The following TNFAIP3 variants were observed in gnomAD, a reference collection of about 807,000 sequenced individuals.
TNFAIP3 encodes tumor necrosis factor alpha-induced protein 3.
TNFAIP3 carries 9 observed loss-of-function variants against 72.4 expected under a neutral mutation model. That is an observed-to-expected ratio of 0.12 (90% CI 0.07 to 0.22). The LOEUF (loss-of-function observed/expected upper bound fraction) is 0.22. TNFAIP3 is among the 10% of genes least tolerant of loss of function. The pLI, the probability that TNFAIP3 is intolerant of heterozygous loss-of-function variation, is 1.00. For missense variants in TNFAIP3, 833 were observed against 1,018.7 expected, an observed-to-expected ratio of 0.82 and a Z score of 2.48; for synonymous variants, 339 against 372.6, an observed-to-expected ratio of 0.91 and a Z score of 1.04.
intron 5 of TNFAIP3, 132 bp downstream of exon 5, chr6:137,876,298 T>G: frequency 1.2e-6 from 1 of 803,884 alleles, no homozygotes; most frequent in South Asian, 1.8e-5. Context: ...GTGACTTGCT[T>G]GGTTAGTAAG....
At chr6:137,872,258 T>C (rs1776088154) in intron 2 of TNFAIP3, among the ~76,000 whole-genome samples, 1 of 152,182 alleles carries the variant, frequency 6.6e-6, no homozygotes, top group Non-Finnish European at 1.5e-5. Flanking sequence ...TTCCCTTGGG[T>C]AAGAATATGT....
At position 137,881,226 on chromosome 6, in the gene TNFAIP3, G is replaced by A. The variant is rs772156613; in HGVS notation, c.2280G>A (p.Gln760=). The A allele has an allele frequency of 2.5e-6, 4 of 1,608,514 alleles. No individual in the cohort carries two copies. In the East Asian group the frequency reaches 8.9e-5, roughly 36 times the overall value. ...CTGCCCCCGAAGACCCCCCCAAGCA[G>A]CGTTGCCGGGCCCCCGCCTGTGATC... is the stretch of plus-strand genomic sequence containing the variant. The part of the protein sequence containing the change: ...GEPAPEDPPK[Q]RCRAPACDHF... Residue 760 remains glutamine, a synonymous_variant, in exon 9 of 9, where the codon CAG becomes CAA. Transcript: ENST00000612899. This position sits in a 1 kb window ranked among gnomAD's most constrained non-coding sequence, Gnocchi z 5.0.
chr6:137,874,379 T>G (rs1776161402), intron 2 of TNFAIP3, among the ~76,000 whole-genome samples: 1 of 152,240 alleles, frequency 6.6e-6, no homozygotes, highest in South Asian at 2.1e-4. Flanking sequence ...AAGCCATGCC[T>G]GCTTCCTGGT....
At chr6:137,874,264 A>G (rs186445856) in intron 2 of TNFAIP3, among the ~76,000 whole-genome samples, 1 of 152,340 alleles carries the variant, frequency 6.6e-6, no homozygotes, top group African/African-American at 2.4e-5. Flanking sequence ...CGTGTTGTCA[A>G]TACGACTTTC....
chr6:137,875,441 A>AT (rs57860664), intron 3 of TNFAIP3, among the ~76,000 whole-genome samples: 5 of 151,472 alleles, frequency 3.3e-5, no homozygotes, highest in Admixed American at 6.6e-5. Flanking sequence ...CTCATCAGGG[A>AT]TTTTTTTTTA....
In TNFAIP3 at chr6:137,871,428, C is replaced by T. The variant is rs1776058955; in HGVS notation, c.201C>T (p.Ala67=). The change falls in exon 2 of 9, where the codon GCC becomes GCT. Residue 67 remains alanine, a synonymous_variant. Transcript: ENST00000612899. The surrounding 1 kb of genome is among the most constrained non-coding windows in gnomAD (Gnocchi z 4.2). ...AGTTTCGGGAGATCATCCACAAAGC[C>T]CTCATCGACAGAAACATCCAGGCCA... ...CPQFREIIHK[A]LIDRNIQATL... The T allele has an allele frequency of 6.2e-7, 1 of 1,614,106 alleles. No individual in the cohort carries two copies. The highest frequency in any genetic ancestry group is 2.2e-5 in the East Asian group (1 of 44,886).
intron 8 of TNFAIP3, 81 bp downstream of exon 8, chr6:137,880,333 G>A: frequency 6.8e-7 from 1 of 1,472,486 alleles, no homozygotes. Flanking sequence ...ACAGTGACAA[G>A]CAGGCTTTCC....
rs767542968 is a variant in TNFAIP3, at chr6:137,871,278, A to G, written c.51A>G (p.Lys17=). The G allele has an allele frequency of 6.2e-7, 1 of 1,614,098 alleles. No homozygotes were observed. Among genetic ancestry groups the G allele is most frequent in the East Asian group, 2.2e-5 (1 of 44,888 alleles). Residue 17 remains lysine (K), a synonymous_variant, in exon 2 of 9, where the codon AAA becomes AAG. Coordinates refer to ENST00000612899, the MANE Select transcript of TNFAIP3 (RefSeq NM_001270508.2). This position sits in a 1 kb window ranked among gnomAD's most constrained non-coding sequence, Gnocchi z 4.2. ...PQALYLSNMR[K]AVKIRERTPE... ...CTTTGTATTTGAGCAATATGCGGAA[A>G]GCTGTGAAGATACGGGAGAGAACTC...
At chr6:137,878,308 G>C (rs1385010376) in intron 6 of TNFAIP3, 124 bp from the exon 7 acceptor site, 6 of 835,994 alleles carry the variant, frequency 7.2e-6, no homozygotes, top group Non-Finnish European at 1.1e-5. Context: ...CTGCATTTCA[G>C]TGAATGGTTC....
chr6:137,875,967 C>T, intron 4 of TNFAIP3, 29 bp from the exon 5 acceptor site: 2 of 1,606,020 alleles, frequency 1.2e-6, no homozygotes, highest in Non-Finnish European at 1.7e-6. Context: ...ACCTAAGGGC[C>T]TCATTTTCCT....
chr6:137,873,828 T>C (rs1031177182), intron 2 of TNFAIP3, among the ~76,000 whole-genome samples: 4 of 152,232 alleles, frequency 2.6e-5, no homozygotes, highest in African/African-American at 9.6e-5. Context: ...GTTTTTTGGT[T>C]TCTTTACAGT....
chr6:137,881,039 C>G lies in TNFAIP3; in HGVS notation c.2093C>G (p.Ser698Trp). Residue 698 changes from serine to tryptophan, a missense_variant, in exon 9 of 9, where the codon TCG becomes TGG. This residue lies in a region of TNFAIP3 where 587 missense variants were observed against 657.8 expected (regional missense o/e 0.89). Coordinates refer to ENST00000612899, the MANE Select transcript of TNFAIP3 (RefSeq NM_001270508.2). This position sits in a 1 kb window ranked among gnomAD's most constrained non-coding sequence, Gnocchi z 5.0. ...EAKRTEEQLR[S>W]SQRRDVPRTT... ...CTGCCTGTTCTTTCCACTCAGAGAT[C>G]GAGCCAGCGCAGAGATGTGCCTCGA... is the stretch of plus-strand genomic sequence containing the variant. 1.3e-6 allele frequency: 2 copies of G among 1,589,254 alleles called. No individual in the cohort carries two copies. Among genetic ancestry groups the G allele is most frequent in the East Asian group, 2.3e-5 (1 of 44,404 alleles).
chr6:137,877,488 T>C (rs1776291981), intron 6 of TNFAIP3, among the ~76,000 whole-genome samples: 11 of 152,230 alleles, frequency 7.2e-5, no homozygotes, highest in Admixed American at 7.2e-4. Context: ...TTCCTGGATA[T>C]CTGGATCCCA....
chr6:137,874,945 A>G lies in TNFAIP3; in HGVS notation c.396A>G (p.Glu132=). The part of the protein sequence containing the change: ...LRKALFSTLK[E]TDTRNFKFRW... ...AGGCGCTGTTCAGCACGCTCAAGGA[A>G]ACAGACACACGCAACTTTAAATTCC... Residue 132 remains glutamate (E), a synonymous_variant, in exon 3 of 9, where the codon GAA becomes GAG. Coordinates refer to ENST00000612899, the MANE Select transcript of TNFAIP3 (RefSeq NM_001270508.2). 6.2e-7 allele frequency: 1 copy of G among 1,614,256 alleles called. No individual in the cohort carries two copies. Among genetic ancestry groups the G allele is most frequent in the Non-Finnish European group, 8.5e-7 (1 of 1,180,046 alleles).
In TNFAIP3 at chr6:137,875,793, G is replaced by A; in HGVS notation, c.592G>A (p.Val198Ile). ...YNSLEEIHIF[V>I]LCNILRRPII... Reference sequence around the variant, plus strand: ...CTCACTGGAAGAAATACACATATTTGTCCTTTGCAACATCCTCAGAAGGCC... The same window carrying A: ...CTCACTGGAAGAAATACACATATTTATCCTTTGCAACATCCTCAGAAGGCC... Residue 198 changes from valine (V) to isoleucine (I), a missense_variant, in exon 4 of 9, where the codon GTC becomes ATC. Transcript: ENST00000612899. The A allele has an allele frequency of 6.2e-7, 1 of 1,614,158 alleles. No homozygotes were observed.
At position 137,871,575 on chromosome 6, in the gene TNFAIP3, T is replaced by G; in HGVS notation, c.295+53T>G. The G allele has an allele frequency of 1.9e-6, 3 of 1,576,330 alleles. No individual in the cohort carries two copies. In the South Asian group the frequency reaches 3.5e-5, roughly 18 times the overall value. ...TGCCTGGGTGATAGCTCCCGCCTGC[T>G]GGATCCCCATTCATGAAGCTTTAAT... On this transcript the variant is annotated intron_variant, in intron 2 of 8. Coordinates refer to ENST00000612899, the MANE Select transcript of TNFAIP3 (RefSeq NM_001270508.2). The surrounding 1 kb of genome is among the most constrained non-coding windows in gnomAD (Gnocchi z 4.2).
At position 137,880,217 on chromosome 6, in the gene TNFAIP3, A is replaced by G. The variant is rs765478795; in HGVS notation, c.2053A>G (p.Arg685Gly). 6.2e-7 allele frequency: 1 copy of G among 1,614,202 alleles called. No individual in the cohort carries two copies. The highest frequency in any genetic ancestry group is 8.5e-7 in the Non-Finnish European group (1 of 1,180,042). ...GTGTTTCATTGAAGCTCAGAATCAG[A>G]GATTTCATGAGGCCAAAAGGACAGA... Reference protein sequence around the residue: ...QKCFIEAQNQRFHEAKRTEEQ... With the variant: ...QKCFIEAQNQGFHEAKRTEEQ... Residue 685 changes from arginine (R) to glycine (G), a missense_variant, in exon 8 of 9, where the codon AGA (arginine) becomes GGA (glycine). Transcript: ENST00000612899.
intron 2 of TNFAIP3, among the ~76,000 whole-genome samples, chr6:137,873,233 A>G (rs1245909980): frequency 6.6e-6 from 1 of 152,246 alleles, no homozygotes; most frequent in Non-Finnish European, 1.5e-5. Context: ...CCTTTTAAAA[A>G]AAAATTAATC....
In TNFAIP3 at chr6:137,877,251, C is replaced by T. The variant is rs1269592135; in HGVS notation, c.981C>T (p.Ala327=). ...ATGGCACAACTCATCTCATCAATGCCGCAAAGTAAGCAGTTTATGTTCAGC... is the reference window on the plus strand; with the variant it reads ...ATGGCACAACTCATCTCATCAATGCTGCAAAGTAAGCAGTTTATGTTCAGC... ...WDHGTTHLIN[A]AKLDEANLPK... is the part of the protein sequence containing the mutation. The change falls in exon 6 of 9, where the codon GCC becomes GCT. Residue 327 remains alanine (A), a synonymous_variant. Transcript: ENST00000612899. The T allele has an allele frequency of 9.3e-6, 15 of 1,605,228 alleles. No individual in the cohort carries two copies. The Middle Eastern group carries it at 5.0e-4, about 53-fold the overall frequency.
Sources: gnomAD v4.1 joint callset for allele counts (sites outside exome capture counted in the v4.1 genomes callset) on GRCh38, gnomAD v4.1.1 for gene constraint, gnomAD v4.1.1 regional missense constraint, Gnocchi (gnomAD v3.1) non-coding constraint, MANE v1.5 for transcripts, NCBI Gene and HGNC (gene_info 2026-07-23, HGNC 2026-07-21) for gene names.